TANC2: variants seen among roughly 807,000 people sequenced by gnomAD.
The protein encoded by TANC2 is tetratricopeptide repeat, ankyrin repeat and coiled-coil containing 2, also known as protein TANC2.
In TANC2, 26 loss-of-function variants were observed where a neutral mutation model predicts 210.5. The ratio of observed to expected loss-of-function variants is 0.12; its 90% CI spans 0.09 to 0.17. TANC2 has a LOEUF of 0.17. Among genes scored for constraint, TANC2 ranks in the 10% least tolerant of loss-of-function variants. The pLI, the probability that TANC2 is intolerant of heterozygous loss-of-function variation, is 1.00. For synonymous variants in TANC2, 931 were observed against 967.1 expected, an observed-to-expected ratio of 0.96 and a Z score of 0.69; for missense variants, 2,129 against 2,608.9, an observed-to-expected ratio of 0.82 and a Z score of 4.01.
intron 9 of TANC2, among the ~76,000 whole-genome samples, chr17:63,279,713 G>C (rs2044002524): frequency 6.6e-6 from 1 of 152,116 alleles, no homozygotes; most frequent in African/African-American, 2.4e-5. Context: ...GGTGAGCACT[G>C]TACAGAAAGG....
intron 4 of TANC2, among the ~76,000 whole-genome samples, chr17:63,105,991 T>A (rs1479709087): frequency 6.6e-6 from 1 of 151,666 alleles, no homozygotes; most frequent in Non-Finnish European, 1.5e-5. Flanking sequence ...ACTAAGACTT[T>A]TAAGCTCTTT....
At chr17:63,006,907 T>G (rs191343830) in intron 1 of TANC2, among the ~76,000 whole-genome samples, 11 of 152,260 alleles carry the variant, frequency 7.2e-5, no homozygotes, top group Admixed American at 2.6e-4. Flanking sequence ...TTTCAGGCTT[T>G]CTTATTGGGT....
chr17:63,105,203 A>AT (rs1268201774), intron 4 of TANC2, among the ~76,000 whole-genome samples: 1 of 151,666 alleles, frequency 6.6e-6, no homozygotes, highest in Non-Finnish European at 1.5e-5. Context: ...AATCTCTGGG[A>AT]TAAAAAATGG....
intron 2 of TANC2, among the ~76,000 whole-genome samples, chr17:63,062,567 AAATT>A (rs1281644967): frequency 6.6e-6 from 1 of 152,130 alleles, no homozygotes; most frequent in Admixed American, 6.5e-5. Context: ...TGGTGTTATC[AAATT>A]AATTCTTTGT....
chr17:63,194,013 C>G, exon 6 of TANC2: 1 of 1,612,476 alleles, frequency 6.2e-7, no homozygotes, highest in Non-Finnish European at 8.5e-7. Flanking sequence ...AGGAGCTTGG[C>G]CCCCCTCCAT....
chr17:63,260,496 T>C (rs1416535551), intron 8 of TANC2, among the ~76,000 whole-genome samples: 1 of 152,218 alleles, frequency 6.6e-6, no homozygotes, highest in Non-Finnish European at 1.5e-5. Context: ...TCTTTTAAGA[T>C]TTCTCATCTG....
At chr17:63,355,374 T>C in exon 14 of TANC2, 1 of 1,583,096 alleles carries the variant, frequency 6.3e-7, no homozygotes, top group Non-Finnish European at 8.6e-7. Flanking sequence ...GAAAACCAAA[T>C]TTCTCTGTGA....
intron 11 of TANC2, chr17:63,332,100 G>A (rs371054870): frequency 8.7e-6 from 3 of 345,494 alleles, no homozygotes; most frequent in Admixed American, 4.1e-5. Context: ...CCCTGTTACC[G>A]AGGTACCACA....
chr17:63,096,094 C>G (rs1298170575), intron 3 of TANC2, among the ~76,000 whole-genome samples: 1 of 151,974 alleles, frequency 6.6e-6, no homozygotes, highest in Non-Finnish European at 1.5e-5. Flanking sequence ...TAATGGCATG[C>G]CTCTTTGTTT....
chr17:63,230,020 T>C (rs1384500985), intron 7 of TANC2, among the ~76,000 whole-genome samples: 1 of 152,168 alleles, frequency 6.6e-6, no homozygotes, highest in Non-Finnish European at 1.5e-5. Flanking sequence ...GGTCTCAAAC[T>C]CCTGACCTTA....
chr17:63,085,676 CATGTGTGTCTGT>C (rs2036935401), intron 3 of TANC2, among the ~76,000 whole-genome samples: 1 of 152,026 alleles, frequency 6.6e-6, no homozygotes, highest in Non-Finnish European at 1.5e-5. Flanking sequence ...CATACATGCA[CATGTGTGTCTGT>C]ATGTGTGTGT....
intron 9 of TANC2, among the ~76,000 whole-genome samples, chr17:63,273,521 G>A (rs2043782860): frequency 6.6e-6 from 1 of 152,156 alleles, no homozygotes; most frequent in Non-Finnish European, 1.5e-5. Flanking sequence ...GAAAGAATGA[G>A]AGTGGAAAAA....
intron 2 of TANC2, among the ~76,000 whole-genome samples, chr17:63,028,837 A>G (rs1192988942): frequency 2.0e-5 from 3 of 152,068 alleles, no homozygotes; most frequent in Non-Finnish European, 4.4e-5. Flanking sequence ...ACTACTTCAT[A>G]TGTTCTCAGG....
chr17:63,162,846 T>G (rs531259338), intron 5 of TANC2, among the ~76,000 whole-genome samples: 26 of 152,162 alleles, frequency 1.7e-4, no homozygotes, highest in African/African-American at 6.0e-4. Flanking sequence ...GTGAATGGAT[T>G]AGGGAAATGT....
At position 63,223,255 on chromosome 17, in the gene TANC2, A is replaced by G. The variant is rs140980029; in HGVS notation, c.770-14559A>G. Among the ~76,000 whole-genome samples, 131 of 152,346 alleles carry G rather than the reference A, an allele frequency of 8.6e-4. 1 individual carries two copies. Among genetic ancestry groups the G allele is most frequent in the African/African-American group, 2.6e-3 (107 of 41,586 alleles). On this transcript the variant is annotated intron_variant, in intron 7 of 27. Coordinates refer to ENST00000689528, the Ensembl canonical transcript of TANC2. The stretch of plus-strand genomic sequence containing the variant: ...TTCACTTTGATGCAGGTGCACCCCA[A>G]AATTAGAGCTTAGCCCAAGAAGGTT...
intron 2 of TANC2, among the ~76,000 whole-genome samples, chr17:63,020,156 C>G (rs1011801203): frequency 3.9e-5 from 6 of 152,110 alleles, no homozygotes; most frequent in Non-Finnish European, 7.4e-5. Flanking sequence ...TTGAACTCCT[C>G]ACCTCAGGTG....
intron 4 of TANC2, among the ~76,000 whole-genome samples, chr17:63,145,307 C>T (rs2145350666): frequency 6.6e-6 from 1 of 152,244 alleles, no homozygotes; most frequent in Admixed American, 6.5e-5. Flanking sequence ...ATCTCTCCTT[C>T]TACCCTTCTT....
At position 63,418,233 on chromosome 17, in the gene TANC2, A is replaced by AT; in HGVS notation, c.4168-71dup. The AT allele has an allele frequency of 2.1e-6, 3 of 1,426,830 alleles. No individual in the cohort carries two copies. In the South Asian group the frequency reaches 3.7e-5, roughly 18 times the overall value. 88.4% of individuals were successfully genotyped at this position (1,426,830 alleles called of 1,614,324 possible). ...ATGAATGTCAAAAAATGTACAAATA[A>AT]TTTGTTTTATTCCCAAGTTGTCTAT... On this transcript the variant is annotated intron_variant, in intron 26 of 27. Transcript: ENST00000689528. This position sits in a 1 kb window ranked among gnomAD's most constrained non-coding sequence, Gnocchi z 4.6.
intron 1 of TANC2, chr17:63,004,651 A>G (rs1273851663): frequency 1.9e-5 from 5 of 259,340 alleles, no homozygotes; most frequent in African/African-American, 9.1e-5. Context: ...TTGATAAAAA[A>G]TAGTATTTCA....
Sources: allele counts gnomAD v4.1 joint callset (sites outside exome capture counted in the v4.1 genomes callset), GRCh38; gene constraint gnomAD v4.1.1; non-coding constraint Gnocchi (gnomAD v3.1); transcripts MANE v1.5; gene names NCBI Gene and HGNC (gene_info 2026-07-23, HGNC 2026-07-21).